ACADS: variants seen among roughly 807,000 people sequenced by gnomAD.
ACADS encodes acyl-CoA dehydrogenase short chain.
ACADS carries 28 observed loss-of-function variants against 46.8 expected under a neutral mutation model. The observed-to-expected ratio is 0.60, with a 90% confidence interval of 0.44 to 0.82. ACADS has a LOEUF of 0.82. Among genes scored for constraint, ACADS ranks in the 40% least tolerant of loss-of-function variants. The probability of loss-of-function intolerance (pLI) is 0.00; values close to 1 mark genes in which losing one functional copy is unlikely to be tolerated. For synonymous variants in ACADS, 236 were observed against 237.7 expected, an observed-to-expected ratio of 0.99 and a Z score of 0.07; for missense variants, 528 against 578.0, an observed-to-expected ratio of 0.91 and a Z score of 0.89.
chr12:120,733,191 C>T (rs890740156), intron 2 of ACADS, among the ~76,000 whole-genome samples: 2 of 152,304 alleles, frequency 1.3e-5, no homozygotes, highest in East Asian at 1.9e-4. Context: ...AGCTTCGGCT[C>T]GGCATCAGAG....
In ACADS at chr12:120,738,683, G is replaced by A; in HGVS notation, c.933+13G>A. 6.2e-7 allele frequency: 1 copy of A among 1,610,904 alleles called. No homozygotes were observed. Among genetic ancestry groups the A allele is most frequent in the Non-Finnish European group, 8.5e-7 (1 of 1,180,024 alleles). ...CCAGGTCATCCAGGTAATGGTGGCA[G>A]CTTTAGGAGCTGGGCCTAGAGGCTG... On this transcript the variant is annotated intron_variant, in intron 7 of 9. Transcript: ENST00000242592.
intron 8 of ACADS, 25 bp downstream of exon 8, chr12:120,738,940 T>C: frequency 6.2e-7 from 1 of 1,612,376 alleles, no homozygotes; most frequent in South Asian, 1.1e-5. Context: ...CCCCGAGCCA[T>C]GGCCCAGAAT....
chr12:120,732,376 C>G (rs1319680917), intron 2 of ACADS, among the ~76,000 whole-genome samples: 1 of 151,380 alleles, frequency 6.6e-6, no homozygotes, highest in African/African-American at 2.4e-5. Context: ...GGAGACGCTC[C>G]TCACTTCCCA....
intron 1 of ACADS, 48 bp downstream of exon 1, chr12:120,725,979 C>G (rs1192053003): frequency 1.3e-6 from 2 of 1,491,618 alleles, no homozygotes; most frequent in Non-Finnish European, 1.8e-6. Context: ...CCGCGTCTGG[C>G]CCAGCGGGCG....
rs770222581 is a variant in ACADS at position 120,727,046 on chromosome 12, C to A, written c.67C>A (p.Arg23=). 7.4e-6 allele frequency: 12 copies of A among 1,613,996 alleles called. No individual in the cohort carries two copies. The African/African-American group carries it at 9.3e-5, about 13-fold the overall frequency. ...GGCAGCTCTCTGTCCTAGGGCCTGG[C>A]GGCAGTTACACACCATCTACCAGTC... is the stretch of plus-strand genomic sequence containing the variant. ...ARRALCPRAW[R]QLHTIYQSVE... The change falls in exon 2 of 10, where the codon CGG becomes AGG. Residue 23 remains arginine (R), a synonymous_variant. Transcript: ENST00000242592.
Position 120,725,826 on chromosome 12 carries a change from A to T in ACADS, c.-60A>T. The T allele has an allele frequency of 3.3e-6, 5 of 1,508,462 alleles. No homozygotes were observed. The highest frequency in any genetic ancestry group is 4.4e-6 in the Non-Finnish European group (5 of 1,130,308). 93.4% of individuals were successfully genotyped at this position (1,508,462 alleles called of 1,614,324 possible). On this transcript the variant is annotated 5_prime_UTR_variant, in exon 1 of 10. Transcript: ENST00000242592. ...TCTGTCCCGGGTCCCGCCCCCCAGC[A>T]CTCCGGAACAGCGCGCTCGCAGCGG...
chr12:120,735,225 CTG>C (rs1351769794), intron 2 of ACADS, among the ~76,000 whole-genome samples: 1 of 142,644 alleles, frequency 7.0e-6, no homozygotes, highest in Non-Finnish European at 1.5e-5. Context: ...TGAGCCGAGA[CTG>C]TGCCACTGCA....
chr12:120,732,067 C>T (rs1883264487), intron 2 of ACADS, among the ~76,000 whole-genome samples: 2 of 152,272 alleles, frequency 1.3e-5, no homozygotes, highest in Admixed American at 6.5e-5. Flanking sequence ...CATCCGATTT[C>T]TCAATCTTTT....
At position 120,737,858 on chromosome 12, in the gene ACADS, C is replaced by T. The variant is rs770417119; in HGVS notation, c.494C>T (p.Ala165Val). 18 of 1,613,752 alleles carry T rather than the reference C, an allele frequency of 1.1e-5. No individual in the cohort carries two copies. The East Asian group carries it at 2.9e-4, about 26-fold the overall frequency. The part of the protein sequence containing the change: ...SEPGNGSDAG[A>V]ASTTARAEGD... ...GCAGGGAACGGCAGTGATGCAGGAG[C>T]TGCGTCCACCACCGCCCGGGCCGAG... Residue 165 changes from alanine (A) to valine (V), a missense_variant, in exon 5 of 10, where the codon GCT becomes GTT. Coordinates refer to ENST00000242592, the MANE Select transcript of ACADS (RefSeq NM_000017.4).
chr12:120,726,766 C>T (rs1392629645), intron 1 of ACADS, among the ~76,000 whole-genome samples: 1 of 152,096 alleles, frequency 6.6e-6, no homozygotes, highest in Non-Finnish European at 1.5e-5. Context: ...TTTCAGTGGC[C>T]GCCATGGACA....
rs539457371 is a variant in ACADS, at chr12:120,728,367, G to A, written c.210+1178G>A. On this transcript the variant is annotated intron_variant, in intron 2 of 9. Coordinates refer to ENST00000242592, the MANE Select transcript of ACADS (RefSeq NM_000017.4). The surrounding 1 kb of genome is among the most constrained non-coding windows in gnomAD (Gnocchi z 4.0). ...CGTTGAAGATGTTACTGCCGTACACGCTGACCTAAAGATGTCCAGCACCTG... is the reference window on the plus strand; with the variant it reads ...CGTTGAAGATGTTACTGCCGTACACACTGACCTAAAGATGTCCAGCACCTG... 5.7e-4 allele frequency among the ~76,000 whole-genome samples: 86 copies of A among 152,082 alleles called. No individual in the cohort carries two copies. The highest frequency in any genetic ancestry group is 1.8e-3 in the African/African-American group (74 of 41,506).
chr12:120,737,516 G>A (rs762324742), intron 4 of ACADS, 49 bp downstream of exon 4: 18 of 1,528,474 alleles, frequency 1.2e-5, no homozygotes, highest in Non-Finnish European at 1.5e-5. Flanking sequence ...GGCCCAGAGG[G>A]GAGGAGAGGA....
intron 2 of ACADS, among the ~76,000 whole-genome samples, chr12:120,731,549 G>C (rs1242408497): frequency 1.3e-5 from 2 of 151,788 alleles, no homozygotes; most frequent in Non-Finnish European, 2.9e-5. Context: ...CCACCTCCTG[G>C]GTACAAATGA....
intron 2 of ACADS, among the ~76,000 whole-genome samples, chr12:120,731,928 A>T (rs912517320): frequency 1.3e-5 from 2 of 152,140 alleles, no homozygotes; most frequent in Non-Finnish European, 2.9e-5. Context: ...GATACAGCAC[A>T]TGTTTCAGAG....
intron 4 of ACADS, 120 bp from the exon 5 acceptor site, chr12:120,737,717 T>C: frequency 6.9e-7 from 1 of 1,453,858 alleles, no homozygotes; most frequent in South Asian, 1.2e-5. Context: ...GGGACCCTCA[T>C]CTTTGGAGCC....
chr12:120,738,536 A>T lies in ACADS; in HGVS notation c.799A>T (p.Thr267Ser). ...CTGACCAGGGCGGTCCCCACAGCAA[A>T]CCCTGGACATGGGCCGCATCGGCAT... ...PGMGFKIAMQ[T>S]LDMGRIGIAS... The change falls in exon 7 of 10, where the codon ACC becomes TCC. Residue 267 changes from threonine to serine, a missense_variant. Thr to Ser is a moderately conservative substitution (Grantham distance 58). Coordinates refer to ENST00000242592, the MANE Select transcript of ACADS (RefSeq NM_000017.4). 1 of 1,609,262 alleles carries T rather than the reference A, an allele frequency of 6.2e-7. No homozygotes were observed.
intron 1 of ACADS, 145 bp from the exon 2 acceptor site, chr12:120,726,881 C>T: frequency 2.2e-6 from 2 of 913,370 alleles, no homozygotes; most frequent in Non-Finnish European, 3.6e-6. Flanking sequence ...TATTCCCCTG[C>T]TCTAGTTGTG....
chr12:120,726,059 T>C, intron 1 of ACADS, 128 bp downstream of exon 1: 1 of 978,390 alleles, frequency 1.0e-6, no homozygotes, highest in South Asian at 1.8e-5. Context: ...GCTCACGGCC[T>C]TTGCCCCAGT....
At position 120,728,964 on chromosome 12, in the gene ACADS, C is replaced by A. The variant is rs1883173165; in HGVS notation, c.210+1775C>A. ...GTTTCTTACGGTTTCTCTTGGGAGT[C>A]TGGAGACCACCAGGCTCAGCCTCAT... is the stretch of plus-strand genomic sequence containing the variant. On this transcript the variant is annotated intron_variant, in intron 2 of 9. Transcript: ENST00000242592. This position sits in a 1 kb window ranked among gnomAD's most constrained non-coding sequence, Gnocchi z 4.0. 6.6e-6 allele frequency among the ~76,000 whole-genome samples: 1 copy of A among 152,184 alleles called. No individual in the cohort carries two copies. The highest frequency in any genetic ancestry group is 1.5e-5 in the Non-Finnish European group (1 of 68,034).
Sources: gnomAD v4.1 joint callset for allele counts (sites outside exome capture counted in the v4.1 genomes callset) on GRCh38, gnomAD v4.1.1 for gene constraint, Gnocchi (gnomAD v3.1) non-coding constraint, MANE v1.5 for transcripts, NCBI Gene and HGNC (gene_info 2026-07-23, HGNC 2026-07-21) for gene names.